Variants in PWWP2A observed in about 807,000 individuals in gnomAD.
PWWP2A encodes PWWP domain-containing protein 2A.
In PWWP2A, 18 loss-of-function variants were observed where a neutral mutation model predicts 48.5. The ratio of observed to expected loss-of-function variants is 0.37; its 90% CI spans 0.26 to 0.55. The LOEUF is 0.55. PWWP2A is among the 20% of genes least tolerant of loss of function. The pLI, the probability that PWWP2A is intolerant of heterozygous loss-of-function variation, is 0.81. For synonymous variants in PWWP2A, 396 were observed against 387.7 expected, an observed-to-expected ratio of 1.02 and a Z score of -0.25; for missense variants, 867 against 976.4, an observed-to-expected ratio of 0.89 and a Z score of 1.49.
At chr5:160,117,500 T>C (rs557386974) in intron 1 of PWWP2A, among the ~76,000 whole-genome samples, 2 of 151,590 alleles carry the variant, frequency 1.3e-5, no homozygotes, top group South Asian at 2.1e-4. Context: ...AGTTAAAAAA[T>C]ACAAAAATTA....
intron 1 of PWWP2A, among the ~76,000 whole-genome samples, chr5:160,115,905 A>G (rs1448060190): frequency 6.6e-6 from 1 of 152,100 alleles, no homozygotes; most frequent in Non-Finnish European, 1.5e-5. Flanking sequence ...ACTGCACAGG[A>G]AAGTGTGCAA....
At chr5:160,055,944 A>G in the PWWP2A span, among the ~76,000 whole-genome samples, 2 of 152,236 alleles carry the variant, frequency 1.3e-5, no homozygotes, top group South Asian at 4.1e-4. Context: ...ACAAGTTGCC[A>G]CTGGAGGAAT....
chr5:160,112,977 T>C (rs1757744152), intron 1 of PWWP2A, among the ~76,000 whole-genome samples: 1 of 152,084 alleles, frequency 6.6e-6, no homozygotes, highest in African/African-American at 2.4e-5. Flanking sequence ...GCCAACATGA[T>C]GAAACACTGT....
At chr5:160,054,570 G>A in the PWWP2A span, among the ~76,000 whole-genome samples, 3 of 151,758 alleles carry the variant, frequency 2.0e-5, no homozygotes, top group African/African-American at 7.3e-5. Context: ...GATGGTACCA[G>A]CCTGGGCAAC....
chr5:160,081,806 C>CTA (rs539195332), intron 2 of PWWP2A, among the ~76,000 whole-genome samples: 101 of 152,272 alleles, frequency 6.6e-4, no homozygotes, highest in African/African-American at 2.4e-3. Context: ...ACTTTCCTAA[C>CTA]TATAAATAAA....
intron 1 of PWWP2A, among the ~76,000 whole-genome samples, chr5:160,112,985 T>C (rs552805442): frequency 6.6e-6 from 1 of 152,150 alleles, no homozygotes; most frequent in African/African-American, 2.4e-5. Flanking sequence ...GATGAAACAC[T>C]GTCTCTACTA....
chr5:160,085,422 G>T (rs142030885), intron 2 of PWWP2A, among the ~76,000 whole-genome samples: 18 of 151,790 alleles, frequency 1.2e-4, no homozygotes, highest in Admixed American at 7.9e-4. Flanking sequence ...AACCAGGATA[G>T]AAAAAGTTAT....
intron 5 of PWWP2A, among the ~76,000 whole-genome samples, chr5:160,063,227 AAAGGC>A (rs1412034461): frequency 6.6e-6 from 1 of 152,182 alleles, no homozygotes; most frequent in Non-Finnish European, 1.5e-5. Flanking sequence ...TGTAAAATGT[AAAGGC>A]CATGCGTTTT....
the PWWP2A span, among the ~76,000 whole-genome samples, chr5:160,045,903 C>A: frequency 2.0e-5 from 3 of 151,892 alleles, no homozygotes; most frequent in Non-Finnish European, 4.4e-5. Flanking sequence ...CCACCATGCC[C>A]GGCTAATTTT....
intron 5 of PWWP2A, among the ~76,000 whole-genome samples, chr5:160,062,360 A>G (rs1438845638): frequency 3.3e-5 from 5 of 152,222 alleles, no homozygotes; most frequent in Non-Finnish European, 7.3e-5. Flanking sequence ...TCTCTGGAGC[A>G]CGGTGACATG....
At chr5:160,070,812 A>G (rs1227719486) in intron 2 of PWWP2A, among the ~76,000 whole-genome samples, 2 of 152,214 alleles carry the variant, frequency 1.3e-5, no homozygotes, top group Non-Finnish European at 2.9e-5. Context: ...AGCCAAAGAC[A>G]TGAATGTTTG....
downstream of PWWP2A, chr5:160,061,790 C>G (rs1295832243): frequency 1.3e-5 from 2 of 152,148 alleles, no homozygotes; most frequent in African/African-American, 4.8e-5. Context: ...AAAACAGATG[C>G]CAAGATAGGA....
chr5:160,108,482 T>G lies in PWWP2A; in HGVS notation c.584+10323A>C, dbSNP rs549900915. 4 of 702,466 alleles carry G rather than the reference T, an allele frequency of 5.7e-6. No individual in the cohort carries two copies. In the South Asian group the frequency reaches 5.9e-5, roughly 10 times the overall value. The allele number at this position is 702,466 out of a possible 1,614,324, so 43.5% of individuals were successfully genotyped here. The stretch of plus-strand genomic sequence containing the variant: ...CCACAACACAATCATTCAAGCATAC[T>G]ACTTGAGGGCCTAAGTTCTCAACCT... On this transcript the variant is annotated intron_variant, in intron 1 of 1. Transcript: ENST00000307063.
intron 1 of PWWP2A, chr5:160,116,871 T>A (rs1758193324): frequency 1.8e-6 from 1 of 556,586 alleles, no homozygotes; most frequent in Admixed American, 6.4e-5. Flanking sequence ...GGTGGGTGGA[T>A]CACCTGAGGT....
downstream of PWWP2A, among the ~76,000 whole-genome samples, chr5:160,057,544 G>A (rs1396173816): frequency 1.3e-5 from 2 of 152,230 alleles, no homozygotes; most frequent in Non-Finnish European, 2.9e-5. This position sits in a 1 kb window ranked among gnomAD's most constrained non-coding sequence, Gnocchi z 4.4. Context: ...GACTGATCAG[G>A]TTGGTAGTTG....
chr5:160,100,556 C>G (rs1344525282), intron 1 of PWWP2A, among the ~76,000 whole-genome samples: 2 of 152,122 alleles, frequency 1.3e-5, no homozygotes, highest in African/African-American at 4.8e-5. Flanking sequence ...AGCTTCAGGC[C>G]AGGAGTTCAC....
downstream of PWWP2A, among the ~76,000 whole-genome samples, chr5:160,059,454 C>G (rs1757638209): frequency 6.6e-6 from 1 of 152,240 alleles, no homozygotes; most frequent in African/African-American, 2.4e-5. Flanking sequence ...TCTATCCAGA[C>G]ACCTAGAACT....
chr5:160,057,520 C>T (rs933428158), downstream of PWWP2A, among the ~76,000 whole-genome samples: 1 of 152,138 alleles, frequency 6.6e-6, no homozygotes, highest in African/African-American at 2.4e-5. The surrounding 1 kb of genome is among the most constrained non-coding windows in gnomAD (Gnocchi z 4.4). Flanking sequence ...CTTGCCTCCA[C>T]GTGGATGGTT....
the PWWP2A span, chr5:160,049,397 G>A: frequency 1.0e-6 from 1 of 998,752 alleles, no homozygotes; most frequent in Non-Finnish European, 1.4e-6. Context: ...GTATACACTT[G>A]GCAAATGACT....
Sources: gnomAD v4.1 joint callset for allele counts (sites outside exome capture counted in the v4.1 genomes callset) on GRCh38, gnomAD v4.1.1 for gene constraint, Gnocchi (gnomAD v3.1) non-coding constraint, MANE v1.5 for transcripts, NCBI Gene and HGNC (gene_info 2026-07-23, HGNC 2026-07-21) for gene names.